The following IL18 variants were observed in gnomAD, a reference collection of about 807,000 sequenced individuals.
The protein encoded by IL18 is interleukin-18.
Under a neutral mutation model 14.2 loss-of-function variants are expected in IL18, and 8 were observed. That is an observed-to-expected ratio of 0.56 (90% CI 0.33 to 1.01). The LOEUF is 1.01. IL18 is among the 50% of genes least tolerant of loss of function. IL18 has a pLI of 0.03. For synonymous variants in IL18, 67 were observed against 71.0 expected, an observed-to-expected ratio of 0.94 and a Z score of 0.28; for missense variants, 166 against 231.1, an observed-to-expected ratio of 0.72 and a Z score of 1.83.
chr11:112,157,263 A>G (rs1374914517), intron 1 of IL18, among the ~76,000 whole-genome samples: 1 of 152,218 alleles, frequency 6.6e-6, no homozygotes, highest in Non-Finnish European at 1.5e-5. Flanking sequence ...ATTATGTAAT[A>G]CACACATATT....
At chr11:112,155,149 T>C in intron 1 of IL18, 88 bp from the exon 2 acceptor site, 1 of 724,068 alleles carries the variant, frequency 1.4e-6, no homozygotes. Flanking sequence ...AGTGGTCAGT[T>C]AATCACCTAG....
At chr11:112,147,249 G>A (rs147349565) in intron 5 of IL18, among the ~76,000 whole-genome samples, 6 of 152,184 alleles carry the variant, frequency 3.9e-5, no homozygotes, top group African/African-American at 1.4e-4. Context: ...TTCTTTAAAA[G>A]GGCCATCAAA....
rs1310346264 is a variant in IL18, at chr11:112,143,740, A to G, written c.438T>C (p.Asp146=). 1 of 1,612,842 alleles carries G rather than the reference A, an allele frequency of 6.2e-7. No homozygotes were observed. The highest frequency in any genetic ancestry group is 1.1e-5 in the South Asian group (1 of 91,056). The change falls in exon 6 of 6, where the codon GAT becomes GAC. Residue 146 remains aspartate (D), a synonymous_variant. Coordinates refer to ENST00000280357, the MANE Select transcript of IL18 (RefSeq NM_001562.4). The part of the protein sequence containing the change: ...IFFQRSVPGH[D]NKMQFESSSY... Reference sequence around the variant, plus strand: ...ATGAAGATTCAAATTGCATCTTATTATCATGTCCTGGGACACTTCTCTGAA... The same window carrying G: ...ATGAAGATTCAAATTGCATCTTATTGTCATGTCCTGGGACACTTCTCTGAA...
At chr11:112,146,926 A>G (rs984108024) in intron 5 of IL18, among the ~76,000 whole-genome samples, 58 of 117,114 alleles carry the variant, frequency 5.0e-4, no homozygotes, top group African/African-American at 1.7e-3. Context: ...TGGTAATTTT[A>G]CTTTTTTTTT....
chr11:112,162,692 C>T (rs1866654473), intron 1 of IL18, among the ~76,000 whole-genome samples: 1 of 152,138 alleles, frequency 6.6e-6, no homozygotes, highest in Non-Finnish European at 1.5e-5. Flanking sequence ...TTGCAGTGAA[C>T]ACAAGGTAAA....
chr11:112,143,384 G>C lies in IL18; in HGVS notation c.*212C>G. The C allele has an allele frequency of 4.8e-6, 2 of 420,790 alleles. No homozygotes were observed. The highest frequency in any genetic ancestry group is 6.9e-5 in the South Asian group (2 of 29,184). 26.1% of individuals were successfully genotyped at this position (420,790 alleles called of 1,614,324 possible). On this transcript the variant is annotated 3_prime_UTR_variant, in exon 6 of 6. Transcript: ENST00000280357. ...CAACCTCTACCTCCGGAGTGCAAGT[G>C]ATTCTCCTGCCTCAGCCTCTTGAGT...
chr11:112,146,027 T>G (rs1866335425), intron 5 of IL18, among the ~76,000 whole-genome samples: 1 of 109,904 alleles, frequency 9.1e-6, no homozygotes, highest in Non-Finnish European at 1.8e-5. Context: ...GGAAAGGGAT[T>G]TCTTTCTTTT....
rs752081882 is a variant in IL18, at chr11:112,150,244, T to C, written c.92-38A>G. 4 of 1,365,586 alleles carry C rather than the reference T, an allele frequency of 2.9e-6. No homozygotes were observed. The South Asian group carries it at 4.9e-5, about 17-fold the overall frequency. The allele number at this position is 1,365,586 out of a possible 1,614,324, so 84.6% of individuals were successfully genotyped here. On this transcript the variant is annotated intron_variant, in intron 3 of 5. Coordinates refer to ENST00000280357, the MANE Select transcript of IL18 (RefSeq NM_001562.4). ...TTAAATCTCATTTAAAAATACATAG[T>C]TTCTTTGTTAATTGACAAATAAGTA...
At chr11:112,147,515 C>G (rs919192313) in intron 5 of IL18, among the ~76,000 whole-genome samples, 1 of 152,138 alleles carries the variant, frequency 6.6e-6, no homozygotes, top group Non-Finnish European at 1.5e-5. Flanking sequence ...TCCACCCTAC[C>G]CTTCCATCCC....
chr11:112,154,954 G>A lies in IL18; in HGVS notation c.79+21C>T, dbSNP rs372426039. Reference sequence around the variant, plus strand: ...ATAGATTTATCTGAACCTGGTATTTGTTCTATGGCATTAGCCTTACCTATA... The same window carrying A: ...ATAGATTTATCTGAACCTGGTATTTATTCTATGGCATTAGCCTTACCTATA... On this transcript the variant is annotated intron_variant, in intron 2 of 5. Coordinates refer to ENST00000280357, the MANE Select transcript of IL18 (RefSeq NM_001562.4). 4.6e-5 allele frequency: 67 copies of A among 1,464,482 alleles called. No homozygotes were observed. In the African/African-American group the frequency reaches 7.2e-4, roughly 16 times the overall value. 90.7% of individuals were successfully genotyped at this position (1,464,482 alleles called of 1,614,324 possible).
At chr11:112,146,484 C>A (rs1866345326) in intron 5 of IL18, among the ~76,000 whole-genome samples, 1 of 152,240 alleles carries the variant, frequency 6.6e-6, no homozygotes, top group East Asian at 1.9e-4. Context: ...CCATGCCTGG[C>A]TAATTTTTGT....
At chr11:112,150,425 C>A in intron 3 of IL18, 2 of 427,504 alleles carry the variant, frequency 4.7e-6, no homozygotes, top group South Asian at 5.7e-5. Context: ...GTGTTAACTT[C>A]AAATAGCCTA....
intron 5 of IL18, 121 bp from the exon 6 acceptor site, chr11:112,143,938 A>T (rs1170287451): frequency 1.1e-5 from 7 of 644,870 alleles, no homozygotes; most frequent in East Asian, 2.8e-5. Context: ...AGAGTTACAT[A>T]AAAAAAATCT....
rs1866417368 is a variant in IL18 at position 112,150,369 on chromosome 11, G to C, written c.92-163C>G. 1.4e-5 allele frequency: 8 copies of C among 555,966 alleles called. No individual in the cohort carries two copies. In the South Asian group the frequency reaches 1.5e-4, roughly 11 times the overall value. 34.4% of individuals were successfully genotyped at this position (555,966 alleles called of 1,614,324 possible). A position where few individuals can be genotyped will look rare whatever the true frequency, so the allele number is the denominator to read the frequency against. On this transcript the variant is annotated intron_variant, in intron 3 of 5. Transcript: ENST00000280357. The stretch of plus-strand genomic sequence containing the variant: ...ATTGTTTTTTAACCTACTCTCAAAG[G>C]CACACTCAATTTCTTGTTACCATTC...
intron 3 of IL18, among the ~76,000 whole-genome samples, chr11:112,152,265 A>T (rs1288655250): frequency 6.6e-6 from 1 of 152,146 alleles, no homozygotes; most frequent in African/African-American, 2.4e-5. Context: ...TCTCCTTTCC[A>T]AATCCAACCC....
chr11:112,149,558 GTTTTTTTTTTTTTTT>G (rs561459069), intron 4 of IL18, among the ~76,000 whole-genome samples: 1 of 99,374 alleles, frequency 1.0e-5, no homozygotes, highest in Non-Finnish European at 1.9e-5. Context: ...CTTTTCTTAA[GTTTTTTTTTTTTTTT>G]TTTTTTTTTT....
At chr11:112,155,261 A>C (rs554060228) in intron 1 of IL18, among the ~76,000 whole-genome samples, 200 bp from the exon 2 acceptor site, 1 of 152,352 alleles carries the variant, frequency 6.6e-6, no homozygotes, top group Non-Finnish European at 1.5e-5. Flanking sequence ...TATTTGGAAG[A>C]TAGAAAGCAT....
rs142817210 is a variant in IL18, at chr11:112,156,555, T to A, written c.-8-1494A>T. Among the ~76,000 whole-genome samples, 347 of 152,040 alleles carry A rather than the reference T, an allele frequency of 2.3e-3. 3 individuals carry two copies. The highest frequency in any genetic ancestry group is 0.02 in the Admixed American group (306 of 15,264). ...CACCTGGGTTCAAGCGATTCTCCCA[T>A]CTTAGCCTGGGACTCCCATCTGGGA... On this transcript the variant is annotated intron_variant, in intron 1 of 5. Transcript: ENST00000280357.
intron 1 of IL18, among the ~76,000 whole-genome samples, chr11:112,163,368 TC>T (rs1866666610): frequency 6.6e-6 from 1 of 152,248 alleles, no homozygotes; most frequent in Non-Finnish European, 1.5e-5. Context: ...AAGCAGCAAT[TC>T]TCAGGGAGTT....
Sources: gnomAD v4.1 joint callset for allele counts (sites outside exome capture counted in the v4.1 genomes callset) on GRCh38, gnomAD v4.1.1 for gene constraint, MANE v1.5 for transcripts, NCBI Gene and HGNC (gene_info 2026-07-23, HGNC 2026-07-21) for gene names.